Variants in B4GALT6 observed in about 807,000 individuals in gnomAD.
The protein encoded by B4GALT6 is beta-1,4-galactosyltransferase 6.
A neutral mutation model predicts 46.3 loss-of-function variants in B4GALT6; 14 were observed. The ratio of observed to expected loss-of-function variants is 0.30; its 90% confidence interval spans 0.20 to 0.47. The LOEUF is 0.47. B4GALT6 is among the 20% of genes least tolerant of loss of function. B4GALT6 has a pLI of 0.99. For synonymous variants in B4GALT6, 168 were observed against 162.0 expected, an observed-to-expected ratio of 1.04 and a Z score of -0.28; for missense variants, 386 against 480.1, an observed-to-expected ratio of 0.80 and a Z score of 1.83.
chr18:31,635,991 CAG>C (rs2073853544), intron 5 of B4GALT6, among the ~76,000 whole-genome samples: 1 of 152,142 alleles, frequency 6.6e-6, no homozygotes, highest in Non-Finnish European at 1.5e-5. Context: ...CAATGGAACA[CAG>C]AGACCAGAAA....
upstream of B4GALT6, among the ~76,000 whole-genome samples, chr18:31,685,146 G>A (rs2074531213): frequency 6.8e-6 from 1 of 147,794 alleles, no homozygotes; most frequent in Non-Finnish European, 1.5e-5. Flanking sequence ...GGCCAGGGCG[G>A]CGTCCCGGCC....
At position 31,627,126 on chromosome 18, in the gene B4GALT6, A is replaced by G. The variant is rs201572227; in HGVS notation, c.777-5T>C. The G allele has an allele frequency of 8.1e-5, 129 of 1,590,978 alleles. No homozygotes were observed. In the African/African-American group the frequency reaches 1.5e-3, roughly 18 times the overall value. ...AAAAATTCTTTATATGGAAGACTAG[A>G]AAAGAAAGACACAGTATTCTAAAAA... On this transcript the variant is annotated splice_polypyrimidine_tract_variant and splice_region_variant and intron_variant, in intron 6 of 8. Transcript: ENST00000306851.
At chr18:31,683,248 C>T (rs1324671271) in intron 1 of B4GALT6, among the ~76,000 whole-genome samples, 1 of 152,118 alleles carries the variant, frequency 6.6e-6, no homozygotes, top group East Asian at 1.9e-4. Context: ...AAGACAATGC[C>T]CTGATCATTC....
rs191196946 is a variant in B4GALT6, at chr18:31,640,102, C to T, written c.472-1342G>A. 4.6e-4 allele frequency among the ~76,000 whole-genome samples: 70 copies of T among 152,124 alleles called. No homozygotes were observed. The South Asian group carries it at 0.01, about 23-fold the overall frequency. On this transcript the variant is annotated intron_variant, in intron 4 of 8. Coordinates refer to ENST00000306851, the MANE Select transcript of B4GALT6 (RefSeq NM_004775.5). ...TCATTAGATTTTCAAAAAAACACAACAGTGAAAGTATATCTAACCAAAATA... is the reference window on the plus strand; with the variant it reads ...TCATTAGATTTTCAAAAAAACACAATAGTGAAAGTATATCTAACCAAAATA...
chr18:31,688,541 A>T (rs2030008434), upstream of B4GALT6, among the ~76,000 whole-genome samples: 1 of 152,174 alleles, frequency 6.6e-6, no homozygotes. Flanking sequence ...AAACCACTGT[A>T]GTGGTAGCAG....
chr18:31,631,613 G>A (rs1017359191), intron 5 of B4GALT6, among the ~76,000 whole-genome samples: 2 of 151,272 alleles, frequency 1.3e-5, no homozygotes, highest in Admixed American at 6.6e-5. Flanking sequence ...TACTTGTGGC[G>A]AGAAAAAAAA....
chr18:31,682,053 T>A (rs1174434418), intron 1 of B4GALT6, among the ~76,000 whole-genome samples: 1 of 152,218 alleles, frequency 6.6e-6, no homozygotes, highest in African/African-American at 2.4e-5. Context: ...GATTGATTGC[T>A]GCAGTATGGA....
At chr18:31,684,182 C>A in intron 1 of B4GALT6, 130 bp downstream of exon 1, 1 of 1,438,774 alleles carries the variant, frequency 7.0e-7, no homozygotes, top group Non-Finnish European at 9.3e-7. Flanking sequence ...TCTGAAATAA[C>A]ATTTAAAACA....
chr18:31,694,329 T>C, the B4GALT6 span, among the ~76,000 whole-genome samples: 1 of 152,154 alleles, frequency 6.6e-6, no homozygotes, highest in Non-Finnish European at 1.5e-5. Context: ...GAAACAGAGA[T>C]CAGTACATAT....
chr18:31,645,081 T>C (rs773533278), intron 4 of B4GALT6, among the ~76,000 whole-genome samples: 2 of 152,144 alleles, frequency 1.3e-5, no homozygotes, highest in Non-Finnish European at 2.9e-5. Flanking sequence ...AAAATCTATT[T>C]TCCAAGCCAA....
chr18:31,679,365 T>C (rs1445102644), intron 1 of B4GALT6, among the ~76,000 whole-genome samples: 1 of 152,234 alleles, frequency 6.6e-6, no homozygotes, highest in Non-Finnish European at 1.5e-5. Flanking sequence ...CTGAGTCACA[T>C]ATGCTACTTA....
rs532780346 is a variant in B4GALT6 at position 31,682,956 on chromosome 18, T to A, written c.115+1356A>T. On this transcript the variant is annotated intron_variant, in intron 1 of 8. Transcript: ENST00000306851. The stretch of plus-strand genomic sequence containing the variant: ...CATTTGTACTATAGGCTTCAAGGGG[T>A]AGGTTTTTGTGAGGTTTTTTGTTTT... Among the ~76,000 whole-genome samples the A allele has an allele frequency of 3.3e-5, 5 of 152,258 alleles. No individual in the cohort carries two copies. The South Asian group carries it at 1.0e-3, about 32-fold the overall frequency.
At chr18:31,679,652 A>G (rs2074457174) in intron 1 of B4GALT6, among the ~76,000 whole-genome samples, 1 of 152,206 alleles carries the variant, frequency 6.6e-6, no homozygotes, top group African/African-American at 2.4e-5. Context: ...ATTCACCTAC[A>G]TGATGAAGAC....
At chr18:31,678,241 T>A (rs981457208) in intron 1 of B4GALT6, among the ~76,000 whole-genome samples, 1 of 152,188 alleles carries the variant, frequency 6.6e-6, no homozygotes, top group Admixed American at 6.5e-5. Context: ...GGCGGTCATC[T>A]ACCCTCACCT....
chr18:31,665,671 G>C (rs116515154), intron 2 of B4GALT6, among the ~76,000 whole-genome samples: 1 of 152,226 alleles, frequency 6.6e-6, no homozygotes, highest in South Asian at 2.1e-4. Flanking sequence ...GAACCTGGTA[G>C]ATGGAGCTTG....
intron 3 of B4GALT6, among the ~76,000 whole-genome samples, chr18:31,653,850 A>G (rs1372838757): frequency 6.6e-6 from 1 of 152,084 alleles, no homozygotes; most frequent in Non-Finnish European, 1.5e-5. Context: ...TGCTTCTATG[A>G]ACAACACAGG....
At chr18:31,724,128 C>A in the B4GALT6 span, 6 of 270,442 alleles carry the variant, frequency 2.2e-5, no homozygotes, top group South Asian at 2.3e-4. Flanking sequence ...CGGATCTGGA[C>A]CCGAGCCTAA....
At chr18:31,629,013 G>A (rs537502630) in intron 6 of B4GALT6, among the ~76,000 whole-genome samples, 26 of 152,288 alleles carry the variant, frequency 1.7e-4, no homozygotes, top group African/African-American at 2.4e-4. Flanking sequence ...TACTCCACGT[G>A]AGGACGATGA....
chr18:31,709,623 G>A, the B4GALT6 span, among the ~76,000 whole-genome samples: 3 of 145,752 alleles, frequency 2.1e-5, no homozygotes, highest in African/African-American at 7.7e-5. Context: ...ATCCTTCTAT[G>A]TAATCCTGCA....
Sources: gnomAD v4.1 joint callset for allele counts (sites outside exome capture counted in the v4.1 genomes callset) on GRCh38, gnomAD v4.1.1 for gene constraint, MANE v1.5 for transcripts, NCBI Gene and HGNC (gene_info 2026-07-23, HGNC 2026-07-21) for gene names.